LRBA: variants seen among roughly 807,000 people sequenced by gnomAD.
LRBA encodes the protein lipopolysaccharide-responsive and beige-like anchor protein.
LRBA carries 176 observed loss-of-function variants against 330.0 expected under a neutral mutation model. The observed-to-expected ratio is 0.53, with a 90% CI of 0.47 to 0.60. LRBA has a LOEUF of 0.60. Ranked by LOEUF, LRBA falls within the 20% of genes least tolerant of loss-of-function variation. The pLI is 0.00. For missense variants in LRBA, 3,259 were observed against 3,444.8 expected (o/e 0.95, Z 1.35); for synonymous variants, 1,230 against 1,193.0 (o/e 1.03, Z -0.64).
chr4:150,701,754 T>C (rs562809708), intron 36 of LRBA, among the ~76,000 whole-genome samples: 6 of 152,320 alleles, frequency 3.9e-5, no homozygotes, highest in African/African-American at 1.2e-4. Context: ...GGAATGAGAA[T>C]TGACATTCTA....
chr4:150,856,086 C>T (rs1164483509), intron 22 of LRBA, among the ~76,000 whole-genome samples: 1 of 152,194 alleles, frequency 6.6e-6, no homozygotes, highest in African/African-American at 2.4e-5. Context: ...TTTTTCAATT[C>T]TAAGCTCACC....
intron 50 of LRBA, among the ~76,000 whole-genome samples, chr4:150,317,811 AATCT>A (rs1731914462): frequency 6.6e-6 from 1 of 152,152 alleles, no homozygotes. Context: ...CAAGTTATGT[AATCT>A]CTATGTTTCA....
chr4:150,286,291 A>T (rs2126781235), intron 53 of LRBA, among the ~76,000 whole-genome samples: 1 of 152,306 alleles, frequency 6.6e-6, no homozygotes, highest in African/African-American at 2.4e-5. Context: ...ATACAACAAA[A>T]TCTGCATTCC....
chr4:150,618,402 A>G (rs574004629), intron 37 of LRBA, among the ~76,000 whole-genome samples: 1 of 152,348 alleles, frequency 6.6e-6, no homozygotes, highest in East Asian at 1.9e-4. Context: ...GCAGGCTAAC[A>G]AAAGCATAAA....
In LRBA at chr4:150,852,385, C is replaced by A. The variant is rs200381614; in HGVS notation, c.3325G>T (p.Asp1109Tyr). 3.7e-6 allele frequency: 6 copies of A among 1,613,648 alleles called. No homozygotes were observed. Among genetic ancestry groups the A allele is most frequent in the Middle Eastern group, 1.6e-4 (1 of 6,062 alleles). ...CCTTCTACTTTCAGTTCCACATAATCATCATCTTCCTCTTCCTCTACTATA... is the reference window on the plus strand; with the variant it reads ...CCTTCTACTTTCAGTTCCACATAATAATCATCTTCCTCTTCCTCTACTATA... The part of the protein sequence containing the change: ...KSIVEEEEDD[D>Y]YVELKVEGSP... The change falls in exon 23 of 57, where the codon GAT (aspartate) becomes TAT (tyrosine). Residue 1109 changes from aspartate to tyrosine, a missense_variant. By Grantham distance (160) the Asp-to-Tyr change is radical (BLOSUM62 -3). Coordinates refer to ENST00000651943, the MANE Select transcript of LRBA (RefSeq NM_001364905.1).
At chr4:150,935,929 TA>T (rs1735040056) in intron 2 of LRBA, among the ~76,000 whole-genome samples, 1 of 151,418 alleles carries the variant, frequency 6.6e-6, no homozygotes, top group South Asian at 2.1e-4. Context: ...AAGCCACAAA[TA>T]TAAGAAATTC....
At chr4:150,454,557 C>T (rs949666597) in intron 44 of LRBA, among the ~76,000 whole-genome samples, 2 of 151,222 alleles carry the variant, frequency 1.3e-5, no homozygotes, top group Admixed American at 6.6e-5. Flanking sequence ...AATTTACTGG[C>T]CTAATCAAAA....
At chr4:150,567,377 A>T (rs946653432) in intron 40 of LRBA, among the ~76,000 whole-genome samples, 9 of 152,124 alleles carry the variant, frequency 5.9e-5, no homozygotes, top group African/African-American at 2.2e-4. Flanking sequence ...AAGGTAGGTG[A>T]TATAACGGAC....
chr4:150,769,685 T>C lies in LRBA; in HGVS notation c.5581-7838A>G, dbSNP rs78476196. 4.6e-3 allele frequency among the ~76,000 whole-genome samples: 697 copies of C among 152,230 alleles called. 7 individuals are homozygous for C. The highest frequency in any genetic ancestry group is 0.016 in the African/African-American group (664 of 41,540). ...TCTACCAATTTAAACTTAAATTTCA[T>C]CCAGAAAAGACTCTCACAGATACAG... On this transcript the variant is annotated intron_variant, in intron 34 of 56. Coordinates refer to ENST00000651943, the MANE Select transcript of LRBA (RefSeq NM_001364905.1).
Position 150,321,351 on chromosome 4 carries a change from T to C in LRBA, c.7470A>G (p.Thr2490=). Residue 2490 remains threonine, a synonymous_variant, in exon 50 of 57, where the codon ACA becomes ACG. Coordinates refer to ENST00000651943, the MANE Select transcript of LRBA (RefSeq NM_001364905.1). The surrounding 1 kb of genome is among the most constrained non-coding windows in gnomAD (Gnocchi z 4.5). ...TGATAACATCCTGCTGGGCTTTGTCTGTGAACATCAATGGACTCTGCAGGA... is the reference window on the plus strand; with the variant it reads ...TGATAACATCCTGCTGGGCTTTGTCCGTGAACATCAATGGACTCTGCAGGA... ...SAMQVSPLMF[T]DKAQQDVIMV... The C allele has an allele frequency of 1.2e-6, 2 of 1,601,614 alleles. No individual in the cohort carries two copies. Among genetic ancestry groups the C allele is most frequent in the Non-Finnish European group, 1.7e-6 (2 of 1,176,046 alleles).
chr4:150,463,946 G>A (rs1271604969), intron 44 of LRBA, among the ~76,000 whole-genome samples: 4 of 151,424 alleles, frequency 2.6e-5, no homozygotes, highest in Non-Finnish European at 5.9e-5. Context: ...GTTAGGATGA[G>A]GTAAAAGGGT....
chr4:150,921,431 ATTT>A (rs1203705147), intron 4 of LRBA, 138 bp from the exon 5 acceptor site: 34 of 604,180 alleles, frequency 5.6e-5, no homozygotes, highest in Non-Finnish European at 8.0e-5. Flanking sequence ...TTTCTAAGTT[ATTT>A]TCAAATATCT....
intron 48 of LRBA, among the ~76,000 whole-genome samples, chr4:150,336,050 A>G (rs1300300165): frequency 1.3e-5 from 2 of 152,242 alleles, no homozygotes; most frequent in Non-Finnish European, 2.9e-5. Context: ...CATAATAGCA[A>G]GAAATACATA....
At chr4:150,841,714 GTGACCTGGGCTCAC>G (rs1432658150) in intron 28 of LRBA, among the ~76,000 whole-genome samples, 1 of 151,792 alleles carries the variant, frequency 6.6e-6, no homozygotes, top group Non-Finnish European at 1.5e-5. Context: ...CTGCAGTGGT[GTGACCTGGGCTCAC>G]TGCAAGCTCC....
At chr4:150,434,817 A>C (rs1750892605) in intron 46 of LRBA, among the ~76,000 whole-genome samples, 1 of 151,892 alleles carries the variant, frequency 6.6e-6, no homozygotes, top group Non-Finnish European at 1.5e-5. Flanking sequence ...TGATTGTGCC[A>C]CTGCACCTCT....
intron 31 of LRBA, 54 bp downstream of exon 31, chr4:150,817,070 T>G: frequency 6.4e-7 from 1 of 1,559,000 alleles, no homozygotes; most frequent in East Asian, 2.3e-5. Context: ...TCTTAAGCGT[T>G]GCTAAAATGA....
chr4:150,369,462 T>C lies in LRBA; in HGVS notation c.7195-19303A>G, dbSNP rs563882074. On this transcript the variant is annotated intron_variant, in intron 47 of 56. Coordinates refer to ENST00000651943, the MANE Select transcript of LRBA (RefSeq NM_001364905.1). ...TACTATGTTCAGAATGCTTAGAAAT[T>C]GCTGTGGTGGCTCTAATGGTTCAAC... 7.9e-5 allele frequency among the ~76,000 whole-genome samples: 12 copies of C among 152,258 alleles called. No individual in the cohort carries two copies. In the East Asian group the frequency reaches 2.3e-3, roughly 29 times the overall value.
chr4:150,277,803 C>T, intron 56 of LRBA, 50 bp downstream of exon 56: 5 of 1,579,274 alleles, frequency 3.2e-6, no homozygotes, highest in Non-Finnish European at 4.3e-6. Flanking sequence ...CGACCAGTCC[C>T]CTCTGCAGTT....
In LRBA at chr4:150,350,252, T is replaced by G. The variant is rs558414741; in HGVS notation, c.7195-93A>C. The G allele has an allele frequency of 1.7e-5, 17 of 983,802 alleles. No homozygotes were observed. The African/African-American group carries it at 2.6e-4, about 15-fold the overall frequency. The allele number at this position is 983,802 out of a possible 1,614,324, so 60.9% of individuals were successfully genotyped here. A position where few individuals can be genotyped will look rare whatever the true frequency, so the allele number is the denominator to read the frequency against. ...GCAATCAGTAAAGTTTAACACTAAC[T>G]TTACTGTGAACAAAGATTTTTAAAA... On this transcript the variant is annotated intron_variant, in intron 47 of 56. Coordinates refer to ENST00000651943, the MANE Select transcript of LRBA (RefSeq NM_001364905.1).
Sources: gnomAD v4.1 joint callset for allele counts (sites outside exome capture counted in the v4.1 genomes callset) on GRCh38, gnomAD v4.1.1 for gene constraint, Gnocchi (gnomAD v3.1) non-coding constraint, MANE v1.5 for transcripts, NCBI Gene and HGNC (gene_info 2026-07-23, HGNC 2026-07-21) for gene names.